The following HTR1F variants were observed in gnomAD, a reference collection of about 807,000 sequenced individuals.
The protein encoded by HTR1F is 5-hydroxytryptamine (serotonin) receptor 1F, G protein-coupled.
A neutral mutation model predicts 24.0 loss-of-function variants in HTR1F; 17 were observed. That is an observed-to-expected ratio of 0.71 (90% CI 0.48 to 1.06). The LOEUF is 1.06. HTR1F is among the 50% of genes least tolerant of loss of function. HTR1F has a pLI of 0.00. For missense variants in HTR1F, 391 were observed against 427.8 expected (o/e 0.91, Z 0.76); for synonymous variants, 186 against 156.8 (o/e 1.19, Z -1.39).
chr3:87,938,183 G>A (rs537056805), intron 2 of HTR1F, among the ~76,000 whole-genome samples: 3 of 151,998 alleles, frequency 2.0e-5, no homozygotes, highest in South Asian at 2.1e-4. Flanking sequence ...ACACAGTCCC[G>A]TTCACAATTG....
In HTR1F at chr3:87,991,206, T is replaced by C. The variant is rs1306348929; in HGVS notation, c.457T>C (p.Phe153Leu). Residue 153 changes from phenylalanine (F) to leucine (L), a missense_variant, in exon 3 of 3, where the codon TTT (phenylalanine) becomes CTT (leucine). Transcript: ENST00000319595. ...TACAATAGTTTGGATTATATCTGTTTTTATCTCTATGCCTCCTCTATTCTG... is the reference window on the plus strand; with the variant it reads ...TACAATAGTTTGGATTATATCTGTTCTTATCTCTATGCCTCCTCTATTCTG... ...MITIVWIISV[F>L]ISMPPLFWRH... is the part of the protein sequence containing the mutation. 1 of 1,614,054 alleles carries C rather than the reference T, an allele frequency of 6.2e-7. No homozygotes were observed. The highest frequency in any genetic ancestry group is 1.1e-5 in the South Asian group (1 of 91,076).
chr3:87,986,988 TCCAGC>T (rs1205870965), intron 2 of HTR1F, among the ~76,000 whole-genome samples: 27 of 152,020 alleles, frequency 1.8e-4, no homozygotes, highest in Non-Finnish European at 3.2e-4. Context: ...TGCCTGTAAT[TCCAGC>T]TACTTGGGAG....
chr3:87,940,093 AT>A (rs1553680119), intron 2 of HTR1F, among the ~76,000 whole-genome samples: 1 of 152,074 alleles, frequency 6.6e-6, no homozygotes, highest in Non-Finnish European at 1.5e-5. Context: ...CAAAGAACTT[AT>A]TTATTTCTGC....
intron 2 of HTR1F, among the ~76,000 whole-genome samples, chr3:87,895,492 G>A (rs1050078924): frequency 6.6e-6 from 1 of 151,860 alleles, no homozygotes; most frequent in Non-Finnish European, 1.5e-5. Flanking sequence ...TCTCTGTTGG[G>A]TATTATATTA....
At chr3:87,954,555 A>G (rs1380644112) in intron 2 of HTR1F, among the ~76,000 whole-genome samples, 1 of 151,760 alleles carries the variant, frequency 6.6e-6, no homozygotes, top group African/African-American at 2.4e-5. Context: ...GAAATTCTAT[A>G]GTATAAAGCA....
At chr3:87,976,731 TAAC>T (rs1705403438) in intron 2 of HTR1F, among the ~76,000 whole-genome samples, 2 of 152,216 alleles carry the variant, frequency 1.3e-5, no homozygotes, top group African/African-American at 4.8e-5. Context: ...ATCAGATAGC[TAAC>T]TTTACAAACA....
chr3:87,932,610 C>CA (rs1375292535), intron 2 of HTR1F, among the ~76,000 whole-genome samples: 9 of 151,980 alleles, frequency 5.9e-5, no homozygotes, highest in Non-Finnish European at 1.3e-4. Context: ...ATGGGGATGG[C>CA]AAAAAATTCC....
intron 2 of HTR1F, among the ~76,000 whole-genome samples, chr3:87,929,360 T>C (rs1422201887): frequency 1.3e-5 from 2 of 152,206 alleles, no homozygotes; most frequent in Non-Finnish European, 2.9e-5. Flanking sequence ...ATACAACGTA[T>C]ATGGCAACCA....
rs77656988 is a variant in HTR1F at position 87,845,907 on chromosome 3, T to C, written c.-43+23783T>C. ...TTCACTCACAAATTTGTCCATTGGA[T>C]TGTAAATTCCTTAGGAGCATGGATT... On this transcript the variant is annotated intron_variant, in intron 2 of 2. Transcript: ENST00000319595. Among the ~76,000 whole-genome samples, 860 of 152,052 alleles carry C rather than the reference T, an allele frequency of 5.7e-3. 30 individuals are homozygous for C. Among genetic ancestry groups the C allele is most frequent in the African/African-American group, 0.02 (813 of 41,346 alleles).
chr3:87,977,379 T>A (rs1326714410), intron 2 of HTR1F, among the ~76,000 whole-genome samples: 12 of 148,124 alleles, frequency 8.1e-5, no homozygotes. Context: ...CCTCTACAGA[T>A]AATGAAGCTG....
intron 2 of HTR1F, among the ~76,000 whole-genome samples, chr3:87,855,542 A>G (rs929215269): frequency 1.4e-4 from 21 of 152,040 alleles, no homozygotes; most frequent in African/African-American, 4.6e-4. Context: ...TGATATTGAT[A>G]GTGGGAGAAA....
intron 2 of HTR1F, among the ~76,000 whole-genome samples, chr3:87,882,358 T>C (rs1331463550): frequency 6.6e-6 from 1 of 152,162 alleles, no homozygotes; most frequent in Non-Finnish European, 1.5e-5. Context: ...CATTACTGGG[T>C]ATATACCCAA....
chr3:87,938,283 C>T (rs182467801), intron 2 of HTR1F, among the ~76,000 whole-genome samples: 14 of 152,148 alleles, frequency 9.2e-5, no homozygotes, highest in East Asian at 3.9e-4. Context: ...TCAAAGAAAT[C>T]GGAGATGATA....
rs1439829529 is a variant in HTR1F, at chr3:87,888,422, C to A, written c.-43+66298C>A. ...ACATGGCACATGTATACCTAAATAC[C>A]AAACCTGCACATTGTACACATGTAC... On this transcript the variant is annotated intron_variant, in intron 2 of 2. Transcript: ENST00000319595. 3.3e-5 allele frequency among the ~76,000 whole-genome samples: 5 copies of A among 151,918 alleles called. No individual in the cohort carries two copies. The East Asian group carries it at 7.7e-4, about 24-fold the overall frequency.
intron 2 of HTR1F, among the ~76,000 whole-genome samples, chr3:87,918,540 A>T (rs1318083911): frequency 6.6e-6 from 1 of 152,144 alleles, no homozygotes; most frequent in Non-Finnish European, 1.5e-5. Flanking sequence ...CAGATACAAA[A>T]TTAGTGTACA....
chr3:87,954,377 T>C (rs1443282244), intron 2 of HTR1F, among the ~76,000 whole-genome samples: 3 of 151,730 alleles, frequency 2.0e-5, no homozygotes, highest in Non-Finnish European at 3.0e-5. Context: ...AAGCAAAAGC[T>C]GATAAAGAGA....
intron 2 of HTR1F, among the ~76,000 whole-genome samples, chr3:87,932,377 G>A (rs1194395108): frequency 2.0e-5 from 3 of 152,066 alleles, no homozygotes; most frequent in African/African-American, 4.8e-5. Context: ...TTATTTCTGA[G>A]GGATCCATTC....
intron 2 of HTR1F, among the ~76,000 whole-genome samples, chr3:87,881,776 A>G (rs1471954899): frequency 1.3e-5 from 2 of 152,196 alleles, no homozygotes; most frequent in Non-Finnish European, 2.9e-5. Flanking sequence ...AACCTAGGCA[A>G]TACCATTCAG....
chr3:87,991,950 C>T lies in HTR1F; in HGVS notation c.*100C>T, dbSNP rs1192482565. ...ACACTTAAGCTTTTAGAGGGAAATA[C>T]ATGAAAACTGCTAAATTGATAAGGC... On this transcript the variant is annotated 3_prime_UTR_variant, in exon 3 of 3. Coordinates refer to ENST00000319595, the MANE Select transcript of HTR1F (RefSeq NM_001322209.2). The T allele has an allele frequency of 1.0e-6, 1 of 977,458 alleles. No homozygotes were observed. The highest frequency in any genetic ancestry group is 1.6e-5 in the African/African-American group (1 of 60,700). The allele number at this position is 977,458 out of a possible 1,614,324, so 60.5% of individuals were successfully genotyped here. A position where few individuals can be genotyped will look rare whatever the true frequency, so the allele number is the denominator to read the frequency against.
Sources: gnomAD v4.1 joint callset for allele counts (sites outside exome capture counted in the v4.1 genomes callset) on GRCh38, gnomAD v4.1.1 for gene constraint, MANE v1.5 for transcripts, NCBI Gene and HGNC (gene_info 2026-07-23, HGNC 2026-07-21) for gene names.